Variants in C6 observed in about 807,000 individuals in gnomAD.
C6 encodes complement component C6.
In C6, 101 loss-of-function variants were observed where a neutral mutation model predicts 112.9. The observed-to-expected ratio is 0.89, with a 90% CI of 0.76 to 1.06. The LOEUF (loss-of-function observed/expected upper bound fraction) is 1.06. C6 is among the 50% of genes least tolerant of loss of function. The pLI, the probability that C6 is intolerant of heterozygous loss-of-function variation, is 0.00. For synonymous variants in C6, 431 were observed against 384.1 expected (o/e 1.12, Z -1.43); for missense variants, 1,202 against 1,104.6 (o/e 1.09, Z -1.25).
At position 41,142,469 on chromosome 5, in the gene C6, A is replaced by T. The variant is rs1340413867; in HGVS notation, c.*356T>A. ...GAGATTTCTGTTTATTAACTCATTG[A>T]AGAAAATTATGGGTTTTATTCTTAT... On this transcript the variant is annotated 3_prime_UTR_variant, in exon 18 of 18. Transcript: ENST00000337836. The T allele has an allele frequency of 3.9e-6, 1 of 257,050 alleles. No homozygotes were observed. The highest frequency in any genetic ancestry group is 7.7e-6 in the Non-Finnish European group (1 of 129,620). The allele number at this position is 257,050 out of a possible 1,614,324, so 15.9% of individuals were successfully genotyped here.
At chr5:41,247,012 G>T (rs1741061617) in intron 1 of C6, among the ~76,000 whole-genome samples, 1 of 152,088 alleles carries the variant, frequency 6.6e-6, no homozygotes, top group South Asian at 2.1e-4. Context: ...ATTTTGGTTA[G>T]ATATTATACT....
At chr5:41,245,291 A>T (rs1315813095) in intron 1 of C6, among the ~76,000 whole-genome samples, 1 of 152,154 alleles carries the variant, frequency 6.6e-6, no homozygotes, top group East Asian at 1.9e-4. Context: ...GCACTTTGGG[A>T]GGCCGAGATG....
chr5:41,143,037 TTACCACAG>T (rs989843061), intron 17 of C6, 31 bp from the exon 18 acceptor site: 2 of 1,593,212 alleles, frequency 1.3e-6, no homozygotes, highest in Admixed American at 3.3e-5. Flanking sequence ...ACAGTGTGAC[TTACCACAG>T]TACATTAGGG....
At position 41,186,184 on chromosome 5, in the gene C6, G is replaced by C. The variant is rs1169760651; in HGVS notation, c.612C>G (p.Pro204=). Residue 204 remains proline, a synonymous_variant, in exon 6 of 18, where the codon CCC becomes CCG. Coordinates refer to ENST00000337836, the MANE Select transcript of C6 (RefSeq NM_000065.5). The stretch of plus-strand genomic sequence containing the variant: ...AAGAGTTATCAAGGACTTCTCCTCT[G>C]GGCTCTCCTGCCAGAAAATGAAACC... ...GNGFHFLAGE[P]RGEVLDNSFT... The C allele has an allele frequency of 6.2e-7, 1 of 1,613,816 alleles. No homozygotes were observed. The highest frequency in any genetic ancestry group is 1.3e-5 in the African/African-American group (1 of 74,998).
intron 4 of C6, among the ~76,000 whole-genome samples, chr5:41,199,069 G>A (rs1232221782): frequency 6.6e-6 from 1 of 152,186 alleles, no homozygotes; most frequent in Admixed American, 6.5e-5. Flanking sequence ...TTCAGAAAAA[G>A]CTGGCAAAGC....
At chr5:41,255,888 A>G (rs1215723355) in intron 1 of C6, among the ~76,000 whole-genome samples, 2 of 152,238 alleles carry the variant, frequency 1.3e-5, no homozygotes, top group East Asian at 3.8e-4. Context: ...AGGTAAGGCA[A>G]AATCATTGTG....
rs150245859 is a variant in C6 at position 41,173,971 on chromosome 5, T to C, written c.1169-1624A>G. ...GGTTAGTCAAATATTTAGGCCATAC[T>C]ACGAATGTAATGCATTTATAGTGCA... On this transcript the variant is annotated intron_variant, in intron 8 of 17. Transcript: ENST00000337836. Among the ~76,000 whole-genome samples the C allele has an allele frequency of 5.0e-4, 76 of 152,364 alleles. 2 individuals carry two copies. The highest frequency in any genetic ancestry group is 1.7e-3 in the African/African-American group (69 of 41,592).
intron 1 of C6, among the ~76,000 whole-genome samples, chr5:41,235,203 T>C (rs1317233161): frequency 9.1e-5 from 13 of 142,226 alleles, no homozygotes; most frequent in Admixed American, 2.1e-4. Flanking sequence ...ATTAGGTATA[T>C]CTCCCAATGC....
intron 17 of C6, among the ~76,000 whole-genome samples, chr5:41,148,194 G>T (rs1422320626): frequency 3.9e-5 from 6 of 152,032 alleles, no homozygotes; most frequent in African/African-American, 1.4e-4. Flanking sequence ...AAATACAGGA[G>T]AAAAAATTTA....
intron 1 of C6, among the ~76,000 whole-genome samples, chr5:41,253,178 A>G (rs1481240180): frequency 6.6e-6 from 1 of 152,140 alleles, no homozygotes; most frequent in Non-Finnish European, 1.5e-5. Context: ...ACTTTTCTTC[A>G]TTTATGTTAT....
chr5:41,200,028 T>C, intron 3 of C6, 116 bp from the exon 4 acceptor site: 1 of 885,556 alleles, frequency 1.1e-6, no homozygotes, highest in Non-Finnish European at 1.8e-6. Flanking sequence ...ATATTTCTTA[T>C]ATTTTTACTA....
At chr5:41,153,429 C>G (rs1746598886) in intron 15 of C6, among the ~76,000 whole-genome samples, 1 of 152,032 alleles carries the variant, frequency 6.6e-6, no homozygotes, top group African/African-American at 2.4e-5. Context: ...ACATTCATTC[C>G]ACTGACACTT....
At chr5:41,208,955 C>T (rs12332299) in intron 1 of C6, among the ~76,000 whole-genome samples, 23,392 of 151,968 alleles carry the variant, frequency 0.15, 1,874 homozygotes, top group Admixed American at 0.23. Flanking sequence ...TGATGAACAT[C>T]GATGCAAAAA....
chr5:41,210,790 G>A (rs1561176685), intron 1 of C6, among the ~76,000 whole-genome samples: 1 of 152,152 alleles, frequency 6.6e-6, no homozygotes, highest in Non-Finnish European at 1.5e-5. Context: ...CTGTTGGTGG[G>A]ACTGTAAACT....
At chr5:41,218,279 C>T (rs1208963387), upstream of C6, among the ~76,000 whole-genome samples, 1 of 152,056 alleles carries the variant, frequency 6.6e-6, no homozygotes, top group Non-Finnish European at 1.5e-5. Flanking sequence ...CTTATCTTTT[C>T]ATCATATTCA....
intron 3 of C6, among the ~76,000 whole-genome samples, 181 bp from the exon 4 acceptor site, chr5:41,200,093 G>T (rs1200919847): frequency 6.6e-6 from 1 of 152,074 alleles, no homozygotes; most frequent in African/African-American, 2.4e-5. Flanking sequence ...CACCTCTGTG[G>T]ATCTCTGTTT....
intron 4 of C6, 86 bp from the exon 5 acceptor site, chr5:41,196,019 T>G (rs1297492268): frequency 4.0e-6 from 6 of 1,516,884 alleles, no homozygotes; most frequent in Non-Finnish European, 5.4e-6. Context: ...TGCTTTAAAT[T>G]TCAAGGTAAA....
chr5:41,195,529 G>T (rs982561530), intron 5 of C6, among the ~76,000 whole-genome samples: 1 of 152,148 alleles, frequency 6.6e-6, no homozygotes, highest in Non-Finnish European at 1.5e-5. Flanking sequence ...AGAGATGTAT[G>T]AGAAATAAAA....
At chr5:41,146,400 C>T (rs1745829782) in intron 17 of C6, among the ~76,000 whole-genome samples, 1 of 152,170 alleles carries the variant, frequency 6.6e-6, no homozygotes, top group East Asian at 1.9e-4. Context: ...ATCAAAGTGA[C>T]ATTCAATTGA....
Sources: allele counts gnomAD v4.1 joint callset (sites outside exome capture counted in the v4.1 genomes callset), GRCh38; gene constraint gnomAD v4.1.1; transcripts MANE v1.5; gene names NCBI Gene and HGNC (gene_info 2026-07-23, HGNC 2026-07-21).